Variants in EML1 observed in about 807,000 individuals in gnomAD.
EML1 encodes echinoderm microtubule-associated protein-like 1.
Under a neutral mutation model 110.4 loss-of-function variants are expected in EML1, and 27 were observed. That is an observed-to-expected ratio of 0.24 (90% CI 0.18 to 0.34). EML1 has a LOEUF of 0.34. Among genes scored for constraint, EML1 ranks in the 10% least tolerant of loss-of-function variants. EML1 has a pLI of 1.00. For synonymous variants in EML1, 344 were observed against 385.8 expected, an observed-to-expected ratio of 0.89 and a Z score of 1.27; for missense variants, 741 against 1,030.9, an observed-to-expected ratio of 0.72 and a Z score of 3.85.
At chr14:99,761,754 G>C (rs2057315744) in intron 1 of EML1, among the ~76,000 whole-genome samples, 1 of 151,994 alleles carries the variant, frequency 6.6e-6, no homozygotes. Flanking sequence ...GCGAAACCCT[G>C]TCTCTAATAA....
At chr14:99,789,923 T>C (rs899308065), upstream of EML1, among the ~76,000 whole-genome samples, 22 of 152,222 alleles carry the variant, frequency 1.4e-4, no homozygotes, top group Non-Finnish European at 2.9e-4. Flanking sequence ...AGCAAAAACA[T>C]CACACATTAT....
At chr14:99,861,538 G>A (rs769433236) in intron 2 of EML1, among the ~76,000 whole-genome samples, 18 of 152,318 alleles carry the variant, frequency 1.2e-4, no homozygotes, top group Non-Finnish European at 1.5e-4. Context: ...CTGGAGTGCA[G>A]TGACAGGATC....
upstream of EML1, chr14:99,793,308 T>TGCG (rs925967316): frequency 1.2e-4 from 113 of 976,518 alleles, no homozygotes; most frequent in East Asian, 3.5e-4. Flanking sequence ...CTCGCGCGGC[T>TGCG]GCGGCGGCGG....
At chr14:99,752,515 G>T (rs1299414428) in intron 1 of EML1, among the ~76,000 whole-genome samples, 1 of 152,208 alleles carries the variant, frequency 6.6e-6, no homozygotes, top group East Asian at 1.9e-4. Flanking sequence ...AGCACCTCCA[G>T]GCCAGCAGAA....
At chr14:99,916,265 G>A (rs2060032880) in intron 15 of EML1, among the ~76,000 whole-genome samples, 1 of 152,208 alleles carries the variant, frequency 6.6e-6, no homozygotes, top group South Asian at 2.1e-4. Context: ...ACGAGGCTTA[G>A]ATGAATGACA....
chr14:99,842,041 A>C (rs918482527), intron 1 of EML1, among the ~76,000 whole-genome samples: 1 of 152,122 alleles, frequency 6.6e-6, no homozygotes, highest in Admixed American at 6.6e-5. Context: ...AACTTGGGGG[A>C]AAAAAAGCTA....
rs1183729879 is a variant in EML1 at position 99,936,174 on chromosome 14, T to A, written c.2007+48T>A. 1.2e-6 allele frequency: 2 copies of A among 1,612,972 alleles called. No homozygotes were observed. The highest frequency in any genetic ancestry group is 1.7e-5 in the Admixed American group (1 of 60,026). ...TCGCTTCTCATGCACTGCGTATAGT[T>A]TAACTACCGTGGAACAGTGTTGGCA... On this transcript the variant is annotated intron_variant, in intron 18 of 21. Coordinates refer to ENST00000262233, the MANE Select transcript of EML1 (RefSeq NM_004434.3). This position sits in a 1 kb window ranked among gnomAD's most constrained non-coding sequence, Gnocchi z 5.5.
intron 20 of EML1, among the ~76,000 whole-genome samples, chr14:99,938,605 G>A (rs1414096960): frequency 1.3e-5 from 2 of 152,148 alleles, no homozygotes; most frequent in Non-Finnish European, 2.9e-5. Flanking sequence ...CCCGACAATG[G>A]TCAGAAGAGG....
intron 1 of EML1, among the ~76,000 whole-genome samples, chr14:99,832,588 G>T (rs11847930): frequency 6.6e-6 from 1 of 152,096 alleles, no homozygotes; most frequent in Admixed American, 6.5e-5. Context: ...AACTCATTTC[G>T]GTTTTAATTT....
intron 1 of EML1, among the ~76,000 whole-genome samples, chr14:99,744,334 G>A (rs1165915307): frequency 6.6e-6 from 1 of 152,112 alleles, no homozygotes; most frequent in Non-Finnish European, 1.5e-5. Flanking sequence ...TGTTTTCCCA[G>A]TCACTGCAGC....
rs770399992 is a variant in EML1 at position 99,940,116 on chromosome 14, C to T, written c.*4C>T. 6.4e-7 allele frequency: 1 copy of T among 1,561,512 alleles called. No homozygotes were observed. Among genetic ancestry groups the T allele is most frequent in the South Asian group, 1.2e-5 (1 of 83,692 alleles). On this transcript the variant is annotated 3_prime_UTR_variant, in exon 22 of 22. Transcript: ENST00000262233. ...CATGCAGTGGCGCGTCATTTAGTACCCACCGAGAGCTGTGGGGAGCAGCAT... is the reference window on the plus strand; with the variant it reads ...CATGCAGTGGCGCGTCATTTAGTACTCACCGAGAGCTGTGGGGAGCAGCAT...
chr14:99,793,506 C>T lies in EML1; in HGVS notation c.30C>T (p.Ser10=). The change falls in exon 1 of 22, where the codon AGC becomes AGT. Residue 10 remains serine, a synonymous_variant. Coordinates refer to ENST00000262233, the MANE Select transcript of EML1 (RefSeq NM_004434.3). ...AGGACGGCTTCTCCAGCTACAGCAG[C>T]CTGTACGACACGTCCTCGCTGCTCC... MEDGFSSYS[S]LYDTSSLLQF... 9.5e-6 allele frequency: 10 copies of T among 1,051,940 alleles called. No homozygotes were observed. Among genetic ancestry groups the T allele is most frequent in the Non-Finnish European group, 1.2e-5 (10 of 868,236 alleles). The allele number at this position is 1,051,940 out of a possible 1,614,324, so 65.2% of individuals were successfully genotyped here.
chr14:99,775,895 T>G (rs1036881975), intron 1 of EML1, among the ~76,000 whole-genome samples: 1 of 152,194 alleles, frequency 6.6e-6, no homozygotes, highest in African/African-American at 2.4e-5. Flanking sequence ...CCAGGACCCA[T>G]TATAAGAACA....
In EML1 at chr14:99,900,938, C is replaced by A; in HGVS notation, c.907C>A (p.Pro303Thr). 1 of 1,614,178 alleles carries A rather than the reference C, an allele frequency of 6.2e-7. No homozygotes were observed. The highest frequency in any genetic ancestry group is 1.6e-4 in the Middle Eastern group (1 of 6,062). Reference protein sequence around the residue: ...GTSKDGKQLPPHVRIWDSVTL... With the variant: ...GTSKDGKQLPTHVRIWDSVTL... ...TTTCTTTTCTGAACAGCAATTGCCCCCACATGTGCGCATCTGGGATTCTGT... is the reference window on the plus strand; with the variant it reads ...TTTCTTTTCTGAACAGCAATTGCCCACACATGTGCGCATCTGGGATTCTGT... The change falls in exon 9 of 22, where the codon CCA (proline) becomes ACA (threonine). Residue 303 changes from proline to threonine, a missense_variant. This residue lies in a region of EML1 where 388 missense variants were observed against 605.6 expected (regional missense o/e 0.64). Coordinates refer to ENST00000262233, the MANE Select transcript of EML1 (RefSeq NM_004434.3).
chr14:99,751,083 A>T (rs1221009147), intron 1 of EML1, among the ~76,000 whole-genome samples: 1 of 152,146 alleles, frequency 6.6e-6, no homozygotes, highest in East Asian at 1.9e-4. Context: ...CTACCCAAGC[A>T]ATCATTCCCT....
intron 1 of EML1, among the ~76,000 whole-genome samples, chr14:99,777,844 C>A (rs1007391232): frequency 3.3e-5 from 5 of 152,130 alleles, no homozygotes; most frequent in African/African-American, 7.2e-5. Flanking sequence ...TGCTCTGTTG[C>A]CCAGGTTAGG....
At chr14:99,756,559 A>G (rs1548271) in intron 1 of EML1, among the ~76,000 whole-genome samples, 6 of 152,024 alleles carry the variant, frequency 3.9e-5, no homozygotes, top group African/African-American at 1.5e-4. Context: ...GTTTGGAGCC[A>G]TATGACAGTC....
chr14:99,739,075 T>A (rs2057005591), intron 1 of EML1, among the ~76,000 whole-genome samples: 1 of 122,868 alleles, frequency 8.1e-6, no homozygotes, highest in African/African-American at 3.9e-5. Flanking sequence ...AGTGTGTGTG[T>A]GTGTGTGTGT....
At chr14:99,930,445 A>T (rs1236092289) in intron 17 of EML1, among the ~76,000 whole-genome samples, 2 of 152,230 alleles carry the variant, frequency 1.3e-5, no homozygotes, top group Non-Finnish European at 2.9e-5. Flanking sequence ...GTTCTTTGGC[A>T]TGCTCAGAGC....
Sources: gnomAD v4.1 joint callset for allele counts (sites outside exome capture counted in the v4.1 genomes callset) on GRCh38, gnomAD v4.1.1 for gene constraint, gnomAD v4.1.1 regional missense constraint, Gnocchi (gnomAD v3.1) non-coding constraint, MANE v1.5 for transcripts, NCBI Gene and HGNC (gene_info 2026-07-23, HGNC 2026-07-21) for gene names.